Variants in LINGO2 observed in about 807,000 individuals in gnomAD.
LINGO2 encodes leucine-rich repeat and immunoglobulin-like domain-containing nogo receptor-interacting protein 2.
A neutral mutation model predicts 30.6 loss-of-function variants in LINGO2; 14 were observed. That is an observed-to-expected ratio of 0.46 (90% CI 0.30 to 0.72). LINGO2 has a LOEUF of 0.72. LINGO2 is among the 30% of genes least tolerant of loss of function. The pLI, the probability that LINGO2 is intolerant of heterozygous loss-of-function variation, is 0.07. For synonymous variants in LINGO2, 317 were observed against 288.5 expected (o/e 1.10, Z -1.00); for missense variants, 729 against 751.7 (o/e 0.97, Z 0.35).
the LINGO2 span, among the ~76,000 whole-genome samples, chr9:28,780,011 A>G: frequency 6.6e-6 from 1 of 152,160 alleles, no homozygotes; most frequent in Non-Finnish European, 1.5e-5. Context: ...CTTCTAAATC[A>G]GTTAATGTCA....
At chr9:29,067,854 A>C in the LINGO2 span, among the ~76,000 whole-genome samples, 1 of 151,520 alleles carries the variant, frequency 6.6e-6, no homozygotes, top group Admixed American at 6.6e-5. Context: ...GTTTAAGGAT[A>C]CTACCAAGAA....
chr9:28,005,228 G>GGTCC (rs1175281946), intron 5 of LINGO2, among the ~76,000 whole-genome samples: 1 of 152,180 alleles, frequency 6.6e-6, no homozygotes, highest in Non-Finnish European at 1.5e-5. Context: ...AAATAATCAT[G>GGTCC]TCAGGCATTT....
chr9:28,649,178 C>T (rs1041677541), intron 1 of LINGO2, among the ~76,000 whole-genome samples: 1 of 151,986 alleles, frequency 6.6e-6, no homozygotes, highest in Non-Finnish European at 1.5e-5. Context: ...AATTTAAAGA[C>T]CAGAAAATGG....
In LINGO2 at chr9:28,018,683, C is replaced by CA. The variant is rs569325866; in HGVS notation, c.-86-6279dup. Reference sequence around the variant, plus strand: ...GTCAGAATGGCTATTACCAAAAAGTCAAAAAAAATCACAGATGAAGGCAAG... The same window carrying CA: ...GTCAGAATGGCTATTACCAAAAAGTCAAAAAAAAATCACAGATGAAGGCAAG... On this transcript the variant is annotated intron_variant, in intron 4 of 5. Coordinates refer to ENST00000379992, the Ensembl canonical transcript of LINGO2. Among the ~76,000 whole-genome samples, 21 of 151,324 alleles carry CA rather than the reference C, an allele frequency of 1.4e-4. No individual in the cohort carries two copies. In the South Asian group the frequency reaches 1.9e-3, roughly 14 times the overall value.
At chr9:28,925,135 A>G in the LINGO2 span, among the ~76,000 whole-genome samples, 1 of 152,216 alleles carries the variant, frequency 6.6e-6, no homozygotes, top group South Asian at 2.1e-4. Context: ...GTACCCCATA[A>G]GTATATACAA....
intron 3 of LINGO2, among the ~76,000 whole-genome samples, chr9:28,327,484 T>G (rs1825271626): frequency 6.6e-6 from 1 of 152,230 alleles, no homozygotes; most frequent in Admixed American, 6.5e-5. Context: ...TCTCTCATTT[T>G]TATCTACTTC....
chr9:28,425,068 C>T (rs572682266), intron 2 of LINGO2, among the ~76,000 whole-genome samples: 10 of 151,904 alleles, frequency 6.6e-5, no homozygotes, highest in Non-Finnish European at 1.3e-4. Flanking sequence ...TTTTCTACCA[C>T]AGTGCAGGGC....
the LINGO2 span, among the ~76,000 whole-genome samples, chr9:29,204,272 C>T: frequency 6.6e-6 from 1 of 152,202 alleles, no homozygotes; most frequent in African/African-American, 2.4e-5. Flanking sequence ...AGGAACCAGA[C>T]ACCTCTTAGG....
intron 2 of LINGO2, among the ~76,000 whole-genome samples, chr9:28,461,560 C>A (rs1469573765): frequency 6.6e-6 from 1 of 152,148 alleles, no homozygotes; most frequent in Non-Finnish European, 1.5e-5. Context: ...AACAATTGCT[C>A]TAATGAGTAA....
chr9:28,662,011 G>A (rs1828603281), intron 1 of LINGO2, among the ~76,000 whole-genome samples: 1 of 152,176 alleles, frequency 6.6e-6, no homozygotes, highest in East Asian at 1.9e-4. Flanking sequence ...TAATGGAAAT[G>A]GCACTTTCAG....
At chr9:28,592,222 TA>T (rs1476316904) in intron 1 of LINGO2, among the ~76,000 whole-genome samples, 3 of 152,000 alleles carry the variant, frequency 2.0e-5, no homozygotes, top group African/African-American at 7.2e-5. Context: ...AACGGAGTAT[TA>T]AAAAGGTACT....
intron 4 of LINGO2, among the ~76,000 whole-genome samples, chr9:28,038,708 A>G (rs1824061435): frequency 6.8e-6 from 1 of 146,578 alleles, no homozygotes; most frequent in South Asian, 2.2e-4. Context: ...AAAAAAAAAA[A>G]GCCTTGCTTA....
intron 1 of LINGO2, among the ~76,000 whole-genome samples, chr9:28,494,892 C>A (rs10757748): frequency 1.3e-5 from 2 of 151,968 alleles, no homozygotes; most frequent in Non-Finnish European, 2.9e-5. Flanking sequence ...GTTTCCTGAC[C>A]TTTTAATGAT....
chr9:28,117,468 A>T (rs562896635), intron 4 of LINGO2, among the ~76,000 whole-genome samples: 31 of 98,846 alleles, frequency 3.1e-4, no homozygotes, highest in Middle Eastern at 8.3e-3. Context: ...TGCTTTGTTT[A>T]CCTAAGCAAG....
chr9:28,323,768 T>C (rs10114979), intron 3 of LINGO2, among the ~76,000 whole-genome samples: 3,991 of 152,246 alleles, frequency 0.026, 145 homozygotes, highest in African/African-American at 0.09. Context: ...TCACCTGCTT[T>C]AAAAGGTAGA....
At chr9:28,724,635 G>A in the LINGO2 span, among the ~76,000 whole-genome samples, 1 of 152,078 alleles carries the variant, frequency 6.6e-6, no homozygotes, top group Non-Finnish European at 1.5e-5. Flanking sequence ...AGTCAACTCA[G>A]AATAACTGTA....
rs1255904672 is a variant in LINGO2 at position 28,130,411 on chromosome 9, G to A, written c.-86-118006C>T. Among the ~76,000 whole-genome samples, 1 of 152,170 alleles carries A rather than the reference G, an allele frequency of 6.6e-6. No homozygotes were observed. Among genetic ancestry groups the A allele is most frequent in the Non-Finnish European group, 1.5e-5 (1 of 68,030 alleles). On this transcript the variant is annotated intron_variant, in intron 4 of 5. Transcript: ENST00000379992. The surrounding 1 kb of genome is among the most constrained non-coding windows in gnomAD (Gnocchi z 5.2). ...AGAGCTATGTTGGGAGACAGTGCCA[G>A]ACTGCTAAACTTTAAGTTCTTTTTC...
At chr9:29,198,158 A>G in the LINGO2 span, among the ~76,000 whole-genome samples, 1 of 152,100 alleles carries the variant, frequency 6.6e-6, no homozygotes, top group East Asian at 1.9e-4. Flanking sequence ...CTCTGGAACA[A>G]TGGTCTGTAG....
the LINGO2 span, among the ~76,000 whole-genome samples, chr9:28,833,237 T>C: frequency 6.6e-6 from 1 of 152,148 alleles, no homozygotes; most frequent in Non-Finnish European, 1.5e-5. Flanking sequence ...TTGCCATATA[T>C]ATACCCCTCT....
Sources: allele counts gnomAD v4.1 joint callset (sites outside exome capture counted in the v4.1 genomes callset), GRCh38; gene constraint gnomAD v4.1.1; non-coding constraint Gnocchi (gnomAD v3.1); transcripts MANE v1.5; gene names NCBI Gene and HGNC (gene_info 2026-07-23, HGNC 2026-07-21).